The following WDR36 variants were observed in gnomAD, a reference collection of about 807,000 sequenced individuals.
WDR36 encodes WD repeat domain 36, also known as WD repeat-containing protein 36.
WDR36 carries 63 observed loss-of-function variants against 112.7 expected under a neutral mutation model. That is an observed-to-expected ratio of 0.56 (90% CI 0.46 to 0.69). The LOEUF (loss-of-function observed/expected upper bound fraction) is 0.69, where lower values mean the gene tolerates loss of function less well. WDR36 is among the 30% of genes least tolerant of loss of function. WDR36 has a pLI of 0.00. For synonymous variants in WDR36, 410 were observed against 362.2 expected (o/e 1.13, Z -1.50); for missense variants, 1,226 against 1,070.3 (o/e 1.15, Z -2.03).
chr5:111,105,528 G>C (rs1753206891), intron 10 of WDR36, among the ~76,000 whole-genome samples, 168 bp downstream of exon 10: 1 of 151,576 alleles, frequency 6.6e-6, no homozygotes, highest in South Asian at 2.1e-4. Flanking sequence ...TGCTATAGAA[G>C]TGATTGAGGT....
intron 2 of WDR36, among the ~76,000 whole-genome samples, chr5:111,096,800 C>A (rs747811395): frequency 3.9e-5 from 6 of 152,086 alleles, no homozygotes; most frequent in Non-Finnish European, 7.4e-5. Context: ...CAAATAACCT[C>A]AAAAAGCTTG....
intron 16 of WDR36, among the ~76,000 whole-genome samples, chr5:111,116,317 C>T (rs1753453109): frequency 6.6e-6 from 1 of 152,058 alleles, no homozygotes; most frequent in Non-Finnish European, 1.5e-5. Flanking sequence ...TTCATTTGTT[C>T]TGTCTCACCC....
chr5:111,109,153 T>C (rs944830749), intron 12 of WDR36, among the ~76,000 whole-genome samples: 1 of 151,346 alleles, frequency 6.6e-6, no homozygotes, highest in African/African-American at 2.4e-5. Context: ...CAGGACAATG[T>C]AGGGCCTGTA....
rs1420732320 is a variant in WDR36, at chr5:111,126,936, C to T, written c.*53C>T. On this transcript the variant is annotated 3_prime_UTR_variant, in exon 23 of 23. Coordinates refer to ENST00000513710, the MANE Select transcript of WDR36 (RefSeq NM_139281.3). ...TTCATATTAAATGGGTTCAATTGAACTCATTTCTTATTTTCCAAGTGTCAA... is the reference window on the plus strand; with the variant it reads ...TTCATATTAAATGGGTTCAATTGAATTCATTTCTTATTTTCCAAGTGTCAA... The T allele has an allele frequency of 7.4e-6, 11 of 1,477,482 alleles. No homozygotes were observed. In the East Asian group the frequency reaches 2.4e-4, roughly 32 times the overall value. The allele number at this position is 1,477,482 out of a possible 1,614,324, so 91.5% of individuals were successfully genotyped here. A position where few individuals can be genotyped will look rare whatever the true frequency, so the allele number is the denominator to read the frequency against.
Position 111,128,299 on chromosome 5 carries a change from A to G in WDR36, c.*1416A>G, listed in dbSNP as rs770914740. The G allele has an allele frequency of 2.8e-4, 52 of 186,164 alleles. No homozygotes were observed. The highest frequency in any genetic ancestry group is 5.1e-4 in the Non-Finnish European group (45 of 88,016). The allele number at this position is 186,164 out of a possible 1,614,324, so 11.5% of individuals were successfully genotyped here. A position where few individuals can be genotyped will look rare whatever the true frequency, so the allele number is the denominator to read the frequency against. ...TCCTCAAAAGGCATTTACCAGTGAT[A>G]TCTTTTAATATTCATGTTTTTATTT... On this transcript the variant is annotated 3_prime_UTR_variant, in exon 23 of 23. Transcript: ENST00000513710.
At chr5:111,110,655 G>A in intron 13 of WDR36, 133 bp from the exon 14 acceptor site, 1 of 1,027,042 alleles carries the variant, frequency 9.7e-7, no homozygotes, top group Non-Finnish European at 1.5e-6. Flanking sequence ...CTAAAATCCA[G>A]ATTAATTTCA....
chr5:111,105,004 A>C (rs1753196921), intron 9 of WDR36, among the ~76,000 whole-genome samples, 187 bp downstream of exon 9: 1 of 151,588 alleles, frequency 6.6e-6, no homozygotes, highest in Non-Finnish European at 1.5e-5. Flanking sequence ...TCTATGCTTA[A>C]TGTGTCCTTC....
rs549211166 is a variant in WDR36 at position 111,092,578 on chromosome 5, A to G, written c.122A>G (p.Tyr41Cys). 111 of 1,614,142 alleles carry G rather than the reference A, an allele frequency of 6.9e-5. No homozygotes were observed. The highest frequency in any genetic ancestry group is 2.7e-4 in the African/African-American group (20 of 75,084). Reference sequence around the variant, plus strand: ...TTCAGCGCGCTCAAGCGCCGGTTCTATGTAACAACCTGCGTGGGCAAGAGT... The same window carrying G: ...TTCAGCGCGCTCAAGCGCCGGTTCTGTGTAACAACCTGCGTGGGCAAGAGT... ...VRFSALKRRF[Y>C]VTTCVGKSFH... The change falls in exon 1 of 23, where the codon TAT becomes TGT. Residue 41 changes from tyrosine (Y) to cysteine (C), a missense_variant. Tyr to Cys is a radical substitution (Grantham distance 194). Transcript: ENST00000513710.
chr5:111,125,983 A>G (rs1273227373), intron 22 of WDR36, among the ~76,000 whole-genome samples, 188 bp downstream of exon 22: 6 of 152,152 alleles, frequency 3.9e-5, no homozygotes, highest in Non-Finnish European at 7.4e-5. Context: ...TTTTAATTTT[A>G]TAGAATTTTA....
intron 6 of WDR36, 45 bp downstream of exon 6, chr5:111,102,444 A>C (rs768665835): frequency 1.3e-6 from 2 of 1,555,798 alleles, no homozygotes; most frequent in East Asian, 4.5e-5. Context: ...AGTTAATAGG[A>C]AAATCCTTCA....
chr5:111,093,726 A>G (rs1580387929), intron 1 of WDR36, among the ~76,000 whole-genome samples: 1 of 152,244 alleles, frequency 6.6e-6, no homozygotes, highest in African/African-American at 2.4e-5. Context: ...TCTTTGGTAC[A>G]GTGTCTTTCC....
chr5:111,124,746 T>G (rs541953125), intron 21 of WDR36, among the ~76,000 whole-genome samples: 12 of 152,344 alleles, frequency 7.9e-5, no homozygotes, highest in Middle Eastern at 3.4e-3. Flanking sequence ...CTCCTAATAA[T>G]TTTAACTTGT....
rs190958342 is a variant in WDR36, at chr5:111,121,186, G to A, written c.2148+45G>A. On this transcript the variant is annotated intron_variant, in intron 19 of 22. Coordinates refer to ENST00000513710, the MANE Select transcript of WDR36 (RefSeq NM_139281.3). ...ATAGACCCTAAGCATGCATCCAGAAGCATTTTTATTTTTTTAAGCAGAGAG... is the reference window on the plus strand; with the variant it reads ...ATAGACCCTAAGCATGCATCCAGAAACATTTTTATTTTTTTAAGCAGAGAG... 8.1e-5 allele frequency: 130 copies of A among 1,608,368 alleles called. 2 individuals are homozygous for A. The African/African-American group carries it at 9.8e-4, about 12-fold the overall frequency.
intron 21 of WDR36, among the ~76,000 whole-genome samples, chr5:111,124,633 A>C (rs1421620178): frequency 6.6e-6 from 1 of 152,160 alleles, no homozygotes; most frequent in African/African-American, 2.4e-5. Flanking sequence ...GAAATGTTTT[A>C]ATCTGTCTGT....
chr5:111,102,234 T>C, intron 5 of WDR36, 111 bp from the exon 6 acceptor site: 1 of 809,396 alleles, frequency 1.2e-6, no homozygotes, highest in East Asian at 2.7e-5. Context: ...TGTGGAAGAG[T>C]AAGAACTTAA....
rs771009559 is a variant in WDR36, at chr5:111,097,118, A to T, written c.230A>T (p.Asp77Val). 9.9e-6 allele frequency: 16 copies of T among 1,613,796 alleles called. No individual in the cohort carries two copies. The highest frequency in any genetic ancestry group is 1.7e-5 in the Admixed American group (1 of 60,020). Residue 77 changes from aspartate to valine, a missense_variant, in exon 3 of 23, where the codon GAT (aspartate) becomes GTT (valine). Transcript: ENST00000513710. ...CAGGATATCTGCTGTATGGCAGCTG[A>T]TGGCAGATTAGTCTTTGCTGCTTAT... is the stretch of plus-strand genomic sequence containing the variant. ...VPQDICCMAA[D>V]GRLVFAAYGN...
chr5:111,104,121 G>T (rs1290093950), intron 7 of WDR36, 56 bp from the exon 8 acceptor site: 2 of 1,510,656 alleles, frequency 1.3e-6, no homozygotes, highest in Admixed American at 1.8e-5. Context: ...AAGAATTCTT[G>T]TTTATTTTGG....
At chr5:111,116,063 T>A (rs1580401105) in intron 16 of WDR36, among the ~76,000 whole-genome samples, 1 of 151,862 alleles carries the variant, frequency 6.6e-6, no homozygotes. Context: ...CTGCCTCAGC[T>A]TCCCGAGCAG....
At chr5:111,123,759 T>A (rs374715777) in intron 19 of WDR36, 46 bp from the exon 20 acceptor site, 1 of 1,606,676 alleles carries the variant, frequency 6.2e-7, no homozygotes, top group South Asian at 1.1e-5. Flanking sequence ...TGAGAAACTG[T>A]TGGCAAGATA....
Sources: allele counts gnomAD v4.1 joint callset (sites outside exome capture counted in the v4.1 genomes callset), GRCh38; gene constraint gnomAD v4.1.1; transcripts MANE v1.5; gene names NCBI Gene and HGNC (gene_info 2026-07-23, HGNC 2026-07-21).